C6orf132: variants seen among roughly 807,000 people sequenced by gnomAD.
C6orf132 encodes chromosome 6 open reading frame 132.
Under a neutral mutation model 65.3 loss-of-function variants are expected in C6orf132, and 43 were observed. The observed-to-expected ratio is 0.66, with a 90% CI of 0.52 to 0.85. C6orf132 has a LOEUF of 0.85. Among genes scored for constraint, C6orf132 ranks in the 40% least tolerant of loss-of-function variants. The probability of loss-of-function intolerance (pLI) is 0.00; values close to 1 mark genes in which losing one functional copy is unlikely to be tolerated. For missense variants in C6orf132, 1,488 were observed against 1,548.8 expected, an observed-to-expected ratio of 0.96 and a Z score of 0.66; for synonymous variants, 631 against 654.1, an observed-to-expected ratio of 0.96 and a Z score of 0.54.
intron 2 of C6orf132, among the ~76,000 whole-genome samples, chr6:42,120,911 G>A (rs570483552): frequency 1.8e-4 from 28 of 152,278 alleles, no homozygotes; most frequent in African/African-American, 4.8e-4. Flanking sequence ...ATGAGCCACC[G>A]CGCCTGGCCT....
Position 42,121,286 on chromosome 6 carries a change from G to A in C6orf132, c.252+7386C>T, listed in dbSNP as rs568508514. 1.7e-3 allele frequency among the ~76,000 whole-genome samples: 252 copies of A among 152,336 alleles called. 1 individual carries two copies. The highest frequency in any genetic ancestry group is 2.0e-3 in the Admixed American group (30 of 15,308). The stretch of plus-strand genomic sequence containing the variant: ...TCTCTGGTTGCATCTGAGGAAATGG[G>A]TTCTTCCCCATGGTCAGGGACAGGT... On this transcript the variant is annotated intron_variant, in intron 2 of 4. Transcript: ENST00000341865.
Position 42,105,052 on chromosome 6 carries a change from GGTT to G in C6orf132, c.2857_2859del (p.Asn953del), listed in dbSNP as rs1172499945. On this transcript the variant is annotated inframe_deletion, in exon 4 of 5. Coordinates refer to ENST00000341865, the MANE Select transcript of C6orf132 (RefSeq NM_001164446.3). ...TTGGGCAGCGGGTGGCCCTGGGGGAGGTTGGAGGGAGCTACTCTTTCCCAGGCC... is the reference window on the plus strand; with the variant it reads ...TTGGGCAGCGGGTGGCCCTGGGGGAGGGAGGGAGCTACTCTTTCCCAGGCC... The G allele has an allele frequency of 2.6e-6, 4 of 1,536,532 alleles. No homozygotes were observed. The highest frequency in any genetic ancestry group is 3.5e-6 in the Non-Finnish European group (4 of 1,146,792).
Position 42,103,813 on chromosome 6 carries a change from C to G in C6orf132, c.3515G>C (p.Arg1172Pro). The change falls in exon 5 of 5, where the codon CGC (arginine) becomes CCC (proline). Residue 1172 changes from arginine (R) to proline (P), a missense_variant. Physicochemically the swap from Arg to Pro is moderately radical, Grantham distance 103 (BLOSUM62 -2). Transcript: ENST00000341865. ...INTFTVRPGTRHPISYVCSGA... is the reference protein window; with the variant it reads ...INTFTVRPGTPHPISYVCSGA... ...TGAGCAGACATAGGAGATGGGATGGCGGGTCCCAGGCCTCACGGTGAACGT... is the reference window on the plus strand; with the variant it reads ...TGAGCAGACATAGGAGATGGGATGGGGGGTCCCAGGCCTCACGGTGAACGT... 1 of 1,490,888 alleles carries G rather than the reference C, an allele frequency of 6.7e-7. No individual in the cohort carries two copies. Among genetic ancestry groups the G allele is most frequent in the South Asian group, 1.3e-5 (1 of 78,298 alleles). 92.4% of individuals were successfully genotyped at this position (1,490,888 alleles called of 1,614,324 possible). A position where few individuals can be genotyped will look rare whatever the true frequency, so the allele number is the denominator to read the frequency against.
In C6orf132 at chr6:42,104,559, G is replaced by A; in HGVS notation, c.3353C>T (p.Pro1118Leu). The A allele has an allele frequency of 7.8e-7, 1 of 1,280,062 alleles. No individual in the cohort carries two copies. 79.3% of individuals were successfully genotyped at this position (1,280,062 alleles called of 1,614,324 possible). A position where few individuals can be genotyped will look rare whatever the true frequency, so the allele number is the denominator to read the frequency against. Reference protein sequence around the residue: ...GRAPPGGLHAPRLSLEGAARG... With the variant: ...GRAPPGGLHALRLSLEGAARG... ...GGCGGCGCCCTCCAGGGACAGCCTC[G>A]GCGCGTGCAGGCCTCCGGGGGGCGC... is the stretch of plus-strand genomic sequence containing the variant. The change falls in exon 4 of 5, where the codon CCG (proline) becomes CTG (leucine). Residue 1118 changes from proline (P) to leucine (L), a missense_variant. By Grantham distance (98) the Pro-to-Leu change is moderately conservative. Coordinates refer to ENST00000341865, the MANE Select transcript of C6orf132 (RefSeq NM_001164446.3). The surrounding 1 kb of genome is among the most constrained non-coding windows in gnomAD (Gnocchi z 4.1).
intron 1 of C6orf132, among the ~76,000 whole-genome samples, chr6:42,135,591 C>T (rs1212023591): frequency 2.6e-5 from 4 of 152,214 alleles, no homozygotes; most frequent in Non-Finnish European, 5.9e-5. Context: ...CCCAAAGCTG[C>T]TCATGGATCT....
chr6:42,103,486 A>G lies in C6orf132; in HGVS notation c.*275T>C. ...ACCAGAGAGCAGAAACTCAGCGCCC[A>G]GGTCCTTAATGGTTCCTTCTCTCTA... On this transcript the variant is annotated 3_prime_UTR_variant, in exon 5 of 5. Coordinates refer to ENST00000341865, the MANE Select transcript of C6orf132 (RefSeq NM_001164446.3). The G allele has an allele frequency of 2.6e-6, 1 of 390,026 alleles. No individual in the cohort carries two copies. Among genetic ancestry groups the G allele is most frequent in the Non-Finnish European group, 4.5e-6 (1 of 221,372 alleles). The allele number at this position is 390,026 out of a possible 1,614,324, so 24.2% of individuals were successfully genotyped here. A position where few individuals can be genotyped will look rare whatever the true frequency, so the allele number is the denominator to read the frequency against.
rs1280896668 is a variant in C6orf132 at position 42,118,743 on chromosome 6, CTG to C, written c.253-8454_253-8453del. Among the ~76,000 whole-genome samples the C allele has an allele frequency of 5.3e-5, 8 of 152,292 alleles. No homozygotes were observed. The East Asian group carries it at 1.5e-3, about 29-fold the overall frequency. On this transcript the variant is annotated intron_variant, in intron 2 of 4. Transcript: ENST00000341865. ...CTACCAGCTTGGGAACTCCACGAAA[CTG>C]GGCCTCAGCACTTCCTCGTCCTCAC...
chr6:42,120,696 A>G (rs1216479643), intron 2 of C6orf132, among the ~76,000 whole-genome samples: 5 of 152,148 alleles, frequency 3.3e-5, no homozygotes, highest in African/African-American at 1.2e-4. Context: ...ATCTTGGCTC[A>G]CTGCAACCTC....
Position 42,107,406 on chromosome 6 carries a change from G to A in C6orf132, c.506C>T (p.Thr169Ile). Residue 169 changes from threonine (T) to isoleucine (I), a missense_variant, in exon 4 of 5, where the codon ACA becomes ATA. Transcript: ENST00000341865. ...GGSPLPSPPS[T>I]APPPPPLLLE... ...CAGCAGGGGAGGTGGTGGGGGTGCT[G>A]TGGAAGGTGGAGATGGCAGTGGCGA... The A allele has an allele frequency of 7.0e-7, 1 of 1,438,386 alleles. No homozygotes were observed. The highest frequency in any genetic ancestry group is 9.4e-7 in the Non-Finnish European group (1 of 1,064,218). The allele number at this position is 1,438,386 out of a possible 1,614,324, so 89.1% of individuals were successfully genotyped here. A position where few individuals can be genotyped will look rare whatever the true frequency, so the allele number is the denominator to read the frequency against.
Position 42,107,232 on chromosome 6 carries a change from G to T in C6orf132, c.680C>A (p.Pro227Gln). 4 of 1,390,738 alleles carry T rather than the reference G, an allele frequency of 2.9e-6. No homozygotes were observed. Among genetic ancestry groups the T allele is most frequent in the East Asian group, 2.6e-5 (1 of 38,634 alleles). 86.1% of individuals were successfully genotyped at this position (1,390,738 alleles called of 1,614,324 possible). Residue 227 changes from proline (P) to glutamine (Q), a missense_variant, in exon 4 of 5, where the codon CCA (proline) becomes CAA (glutamine). Physicochemically the swap from Pro to Gln is moderately conservative, Grantham distance 76. Coordinates refer to ENST00000341865, the MANE Select transcript of C6orf132 (RefSeq NM_001164446.3). ...TGCTGGGGCTGGCACAGGAGGCGGT[G>T]GGGGGGCTAGAAAGGCCAAGGGTGG... ...PAPPLAFLAPPPPPVPAPAPP... is the reference protein window; with the variant it reads ...PAPPLAFLAPQPPPVPAPAPP...
Position 42,105,332 on chromosome 6 carries a change from A to C in C6orf132, c.2580T>G (p.Gly860=). 1 of 1,536,672 alleles carries C rather than the reference A, an allele frequency of 6.5e-7. No homozygotes were observed. Among genetic ancestry groups the C allele is most frequent in the Non-Finnish European group, 8.7e-7 (1 of 1,146,834 alleles). ...QKGRSVGAAL[G]RSSLPGSLRD... ...GGAGACTTCCTGGCAGAGAGGACCGACCCAGGGCAGCCCCTACAGACCTTC... is the reference window on the plus strand; with the variant it reads ...GGAGACTTCCTGGCAGAGAGGACCGCCCCAGGGCAGCCCCTACAGACCTTC... Residue 860 remains glycine, a synonymous_variant, in exon 4 of 5, where the codon GGT becomes GGG. Coordinates refer to ENST00000341865, the MANE Select transcript of C6orf132 (RefSeq NM_001164446.3).
At chr6:42,131,338 G>C (rs4714571) in intron 1 of C6orf132, among the ~76,000 whole-genome samples, 81,037 of 152,110 alleles carry the variant, frequency 0.53, 22,166 homozygotes, top group East Asian at 0.65. Context: ...ACCTTTAATG[G>C]TCTGGGCACT....
At chr6:42,112,507 A>T (rs1055985100) in intron 2 of C6orf132, among the ~76,000 whole-genome samples, 1 of 152,232 alleles carries the variant, frequency 6.6e-6, no homozygotes, top group Non-Finnish European at 1.5e-5. Context: ...CATCTGGGAA[A>T]TGGTGATAAC....
At chr6:42,108,503 G>A (rs1052512559) in intron 3 of C6orf132, among the ~76,000 whole-genome samples, 34 of 152,338 alleles carry the variant, frequency 2.2e-4, no homozygotes, top group South Asian at 4.1e-4. Flanking sequence ...GACCTCCTCA[G>A]TGAGGAAGGC....
At position 42,110,111 on chromosome 6, in the gene C6orf132, C is replaced by A. The variant is rs1197341100; in HGVS notation, c.328+105G>T. 8.7e-6 allele frequency: 8 copies of A among 922,948 alleles called. No individual in the cohort carries two copies. The East Asian group carries it at 2.0e-4, about 23-fold the overall frequency. The allele number at this position is 922,948 out of a possible 1,614,324, so 57.2% of individuals were successfully genotyped here. ...GCGAGAGTGGCTGTGCCTGAGGACT[C>A]TGGCTTTGTCACCAGCTGTGAAGAT... On this transcript the variant is annotated intron_variant, in intron 3 of 4. Transcript: ENST00000341865.
At chr6:42,142,132 C>G (rs1767044750) in intron 1 of C6orf132, among the ~76,000 whole-genome samples, 168 bp downstream of exon 1, 1 of 152,070 alleles carries the variant, frequency 6.6e-6, no homozygotes, top group African/African-American at 2.4e-5. Flanking sequence ...CACAGCCCTT[C>G]CCAGACACCC....
intron 1 of C6orf132, among the ~76,000 whole-genome samples, chr6:42,141,624 A>G (rs1767034025): frequency 6.6e-6 from 1 of 152,136 alleles, no homozygotes; most frequent in South Asian, 2.1e-4. Flanking sequence ...CCACTGTCCC[A>G]TTTCTGGCTC....
chr6:42,142,290 G>C lies in C6orf132; in HGVS notation c.145+10C>G. On this transcript the variant is annotated intron_variant, in intron 1 of 4. Transcript: ENST00000341865. ...CCCGCCCCAGCGCCCTCCGTCCCCG[G>C]AGTACTCACCGAAGCCCCCGGTCCC... 1 of 1,549,048 alleles carries C rather than the reference G, an allele frequency of 6.5e-7. No individual in the cohort carries two copies.
In C6orf132 at chr6:42,119,210, C is replaced by T. The variant is rs181949279; in HGVS notation, c.253-8919G>A. Among the ~76,000 whole-genome samples, 36 of 125,044 alleles carry T rather than the reference C, an allele frequency of 2.9e-4. No individual in the cohort carries two copies. In the East Asian group the frequency reaches 5.2e-3, roughly 18 times the overall value. The allele number at this position is 125,044 out of a possible 152,430, so 82.0% of individuals were successfully genotyped here. A position where few individuals can be genotyped will look rare whatever the true frequency, so the allele number is the denominator to read the frequency against. On this transcript the variant is annotated intron_variant, in intron 2 of 4. Transcript: ENST00000341865. ...GTTGCAGTGAGCTGAGATTGCGCCA[C>T]GTCACTCCAGCCTGGGCACAAGAGC... is the stretch of plus-strand genomic sequence containing the variant.
Sources: allele counts gnomAD v4.1 joint callset (sites outside exome capture counted in the v4.1 genomes callset), GRCh38; gene constraint gnomAD v4.1.1; non-coding constraint Gnocchi (gnomAD v3.1); transcripts MANE v1.5; gene names NCBI Gene and HGNC (gene_info 2026-07-23, HGNC 2026-07-21).